PCDH15: variants seen among roughly 807,000 people sequenced by gnomAD.
The protein encoded by PCDH15 is protocadherin-15.
A neutral mutation model predicts 178.5 loss-of-function variants in PCDH15; 129 were observed. The observed-to-expected ratio is 0.72, with a 90% CI of 0.63 to 0.84. The LOEUF (loss-of-function observed/expected upper bound fraction) is 0.84, where lower values mean the gene tolerates loss of function less well. Ranked by LOEUF, PCDH15 falls within the 40% of genes least tolerant of loss-of-function variation. The probability of loss-of-function intolerance (pLI) is 0.00; values close to 1 mark genes in which losing one functional copy is unlikely to be tolerated. For synonymous variants in PCDH15, 800 were observed against 732.0 expected (o/e 1.09, Z -1.50); for missense variants, 2,230 against 2,099.9 (o/e 1.06, Z -1.21).
chr10:54,055,152 T>C (rs1053434864), intron 18 of PCDH15, among the ~76,000 whole-genome samples: 3 of 152,148 alleles, frequency 2.0e-5, no homozygotes, highest in Non-Finnish European at 4.4e-5. Context: ...AACACTGTAG[T>C]TTACTAATGA....
chr10:55,301,362 A>T (rs947615698), intron 1 of PCDH15, among the ~76,000 whole-genome samples: 8 of 152,080 alleles, frequency 5.3e-5, no homozygotes, highest in African/African-American at 1.9e-4. Context: ...GGCTAATGAC[A>T]TTTAATGTAT....
chr10:54,660,159 A>G (rs185098362), intron 2 of PCDH15, among the ~76,000 whole-genome samples: 2 of 152,288 alleles, frequency 1.3e-5, no homozygotes, highest in East Asian at 3.9e-4. Context: ...TTGAAAGGAT[A>G]AATAAAATTG....
At chr10:54,064,746 A>G (rs2135789194) in intron 18 of PCDH15, among the ~76,000 whole-genome samples, 1 of 152,232 alleles carries the variant, frequency 6.6e-6, no homozygotes, top group East Asian at 1.9e-4. Flanking sequence ...ACTTTGCTTC[A>G]AAATTGGAAG....
At chr10:54,344,904 C>CAAAAAAAAAAAA (rs57295345) in intron 6 of PCDH15, among the ~76,000 whole-genome samples, 1 of 78,888 alleles carries the variant, frequency 1.3e-5, no homozygotes, top group Non-Finnish European at 2.3e-5. Flanking sequence ...AGAAACAAAG[C>CAAAAAAAAAAAA]AAAAAAAAAA....
chr10:55,581,847 T>G (rs537962849), intron 2 of PCDH15, among the ~76,000 whole-genome samples: 1 of 152,078 alleles, frequency 6.6e-6, no homozygotes, highest in African/African-American at 2.4e-5. Flanking sequence ...TGGGCAATTT[T>G]TTTTTGGAAG....
At chr10:54,719,728 C>T (rs1403871305) in intron 1 of PCDH15, among the ~76,000 whole-genome samples, 2 of 152,090 alleles carry the variant, frequency 1.3e-5, no homozygotes, top group East Asian at 1.9e-4. Flanking sequence ...CTTCGTGTGT[C>T]CATGTGTTCT....
intron 2 of PCDH15, among the ~76,000 whole-genome samples, chr10:54,572,231 A>G (rs2089936471): frequency 6.6e-6 from 1 of 152,132 alleles, no homozygotes; most frequent in Non-Finnish European, 1.5e-5. Flanking sequence ...TTACTTATTG[A>G]GTACCTGCTA....
chr10:53,809,365 A>T, intron 37 of PCDH15: 1 of 1,613,964 alleles, frequency 6.2e-7, no homozygotes, highest in East Asian at 2.2e-5. Context: ...AAGGTCAACG[A>T]TTCCTCTTTT....
At chr10:54,526,626 TTTTA>T (rs1348721073) in intron 3 of PCDH15, among the ~76,000 whole-genome samples, 1 of 152,184 alleles carries the variant, frequency 6.6e-6, no homozygotes, top group Admixed American at 6.5e-5. Flanking sequence ...CTCCATATGA[TTTTA>T]TTATGAATAA....
At chr10:54,886,941 G>A (rs944812515) in intron 3 of PCDH15, among the ~76,000 whole-genome samples, 43 of 152,198 alleles carry the variant, frequency 2.8e-4, no homozygotes, top group Admixed American at 8.5e-4. Context: ...ATACAATCTT[G>A]AATAAGGATC....
chr10:55,329,103 G>A lies in PCDH15; in HGVS notation c.-155-162452C>T, dbSNP rs940103016. Among the ~76,000 whole-genome samples, 7 of 150,370 alleles carry A rather than the reference G, an allele frequency of 4.7e-5. No homozygotes were observed. In the East Asian group the frequency reaches 1.4e-3, roughly 29 times the overall value. On this transcript the variant is annotated intron_variant, in intron 2 of 5. Transcript: ENST00000613346. ...TTAAATAAGACATGCTCCATGGGGG[G>A]AAACATTGTACAGAGAAGAGACTTG... is the stretch of plus-strand genomic sequence containing the variant.
At chr10:55,246,980 T>C (rs2132218644) in intron 1 of PCDH15, among the ~76,000 whole-genome samples, 1 of 152,270 alleles carries the variant, frequency 6.6e-6, no homozygotes, top group East Asian at 1.9e-4. Flanking sequence ...TCTGATCCTC[T>C]TTTTCTATGT....
intron 18 of PCDH15, among the ~76,000 whole-genome samples, chr10:54,034,363 G>T (rs1342720135): frequency 6.6e-6 from 1 of 151,368 alleles, no homozygotes; most frequent in Admixed American, 6.6e-5. Flanking sequence ...GCCAGATATA[G>T]GTTCCAGTTT....
intron 18 of PCDH15, among the ~76,000 whole-genome samples, chr10:54,050,836 G>T (rs1488033582): frequency 6.6e-6 from 1 of 152,126 alleles, no homozygotes; most frequent in East Asian, 1.9e-4. Flanking sequence ...CATCTTGATT[G>T]TAGTTCCCAT....
chr10:54,265,589 A>G (rs2057621070), intron 8 of PCDH15, among the ~76,000 whole-genome samples: 1 of 152,112 alleles, frequency 6.6e-6, no homozygotes, highest in South Asian at 2.1e-4. Flanking sequence ...AAGATTAATC[A>G]TGCAAATGGA....
chr10:55,012,969 A>G (rs1400412108), intron 2 of PCDH15, among the ~76,000 whole-genome samples: 1 of 152,118 alleles, frequency 6.6e-6, no homozygotes, highest in Non-Finnish European at 1.5e-5. Context: ...CAAGCTCAAT[A>G]TATGCTACAT....
intron 8 of PCDH15, among the ~76,000 whole-genome samples, chr10:54,306,852 C>T (rs1169549813): frequency 6.6e-6 from 1 of 150,484 alleles, no homozygotes; most frequent in African/African-American, 2.4e-5. Context: ...CATCTCCAAC[C>T]CCTAAAACAC....
At chr10:54,156,377 G>C (rs2045149481) in intron 13 of PCDH15, among the ~76,000 whole-genome samples, 1 of 152,060 alleles carries the variant, frequency 6.6e-6, no homozygotes, top group African/African-American at 2.4e-5. Flanking sequence ...AATTCCACGT[G>C]GGTAGGGAAG....
rs536180750 is a variant in PCDH15 at position 54,154,400 on chromosome 10, T to C, written c.1591-1107A>G. Among the ~76,000 whole-genome samples the C allele has an allele frequency of 2.6e-5, 4 of 152,272 alleles. No homozygotes were observed. The East Asian group carries it at 7.7e-4, about 29-fold the overall frequency. On this transcript the variant is annotated intron_variant, in intron 13 of 37. Coordinates refer to ENST00000644397, the MANE Select transcript of PCDH15 (RefSeq NM_001384140.1). ...TAACCTACCTGTAGAAATGTTTTAT[T>C]TACTTATATTTATATTTTCAATACA... is the stretch of plus-strand genomic sequence containing the variant.
Sources: gnomAD v4.1 joint callset for allele counts (sites outside exome capture counted in the v4.1 genomes callset) on GRCh38, gnomAD v4.1.1 for gene constraint, MANE v1.5 for transcripts, NCBI Gene and HGNC (gene_info 2026-07-23, HGNC 2026-07-21) for gene names.